Variants in RAD54L2 observed in about 807,000 individuals in gnomAD.
RAD54L2 encodes RAD54 like 2.
In RAD54L2, 27 loss-of-function variants were observed where a neutral mutation model predicts 138.4. The ratio of observed to expected loss-of-function variants is 0.20; its 90% confidence interval spans 0.14 to 0.27. The LOEUF (loss-of-function observed/expected upper bound fraction) is 0.27. Ranked by LOEUF, RAD54L2 falls within the 10% of genes least tolerant of loss-of-function variation. The pLI, the probability that RAD54L2 is intolerant of heterozygous loss-of-function variation, is 1.00. For missense variants in RAD54L2, 1,396 were observed against 1,890.2 expected (o/e 0.74, Z 4.85); for synonymous variants, 644 against 723.2 (o/e 0.89, Z 1.76).
Position 51,630,345 on chromosome 3 carries a change from G to A in RAD54L2, c.555G>A (p.Leu185=). The part of the protein sequence containing the change: ...PRVLAQEVIC[L]DSSSGSEDEK... ...TCTTGGCCCAGGAAGTCATTTGTTT[G>A]GACAGTAGCAGTGGCAGTGAGGATG... is the stretch of plus-strand genomic sequence containing the variant. Residue 185 remains leucine, a synonymous_variant, in exon 6 of 23, where the codon TTG becomes TTA. Coordinates refer to ENST00000684192, the MANE Select transcript of RAD54L2 (RefSeq NM_015106.4). 1 of 1,613,974 alleles carries A rather than the reference G, an allele frequency of 6.2e-7. No individual in the cohort carries two copies. Among genetic ancestry groups the A allele is most frequent in the Non-Finnish European group, 8.5e-7 (1 of 1,179,866 alleles).
At chr3:51,577,020 G>T in intron 2 of RAD54L2, among the ~76,000 whole-genome samples, 1 of 152,146 alleles carries the variant, frequency 6.6e-6, no homozygotes, top group Non-Finnish European at 1.5e-5. Context: ...CTTTAAATGT[G>T]TCCCAGAGAT....
intron 19 of RAD54L2, among the ~76,000 whole-genome samples, chr3:51,647,129 G>A (rs1403066352): frequency 1.3e-5 from 2 of 152,056 alleles, no homozygotes; most frequent in Non-Finnish European, 2.9e-5. Context: ...ACCTGATTCA[G>A]TAGTTTGCAT....
intron 3 of RAD54L2, among the ~76,000 whole-genome samples, chr3:51,592,413 G>C (rs1699858756): frequency 6.6e-6 from 1 of 151,928 alleles, no homozygotes; most frequent in South Asian, 2.1e-4. Context: ...TTGAAGTTCA[G>C]AGTGATAAAC....
At position 51,647,698 on chromosome 3, in the gene RAD54L2, A is replaced by C. The variant is rs868081449; in HGVS notation, c.3026+1217A>C. Among the ~76,000 whole-genome samples, 18 of 152,216 alleles carry C rather than the reference A, an allele frequency of 1.2e-4. 1 individual carries two copies. Among genetic ancestry groups the C allele is most frequent in the Middle Eastern group, 3.4e-3 (1 of 294 alleles). On this transcript the variant is annotated intron_variant, in intron 19 of 22. Coordinates refer to ENST00000684192, the MANE Select transcript of RAD54L2 (RefSeq NM_015106.4). Reference sequence around the variant, plus strand: ...AAAAAATTTTTTTTTCTTTTAGTCGAGATGAGGTCTCACTATGTTGCTCAG... The same window carrying C: ...AAAAAATTTTTTTTTCTTTTAGTCGCGATGAGGTCTCACTATGTTGCTCAG...
Position 51,663,077 on chromosome 3 carries a change from G to C in RAD54L2, c.4061G>C (p.Ser1354Thr). 6.2e-7 allele frequency: 1 copy of C among 1,613,916 alleles called. No individual in the cohort carries two copies. The highest frequency in any genetic ancestry group is 8.5e-7 in the Non-Finnish European group (1 of 1,179,870). ...CCTCTGGTGCCAGCAGGCCCCGTCA[G>C]TTCCTCTTCCACGGCTACCTCAGTC... Reference protein sequence around the residue: ...TDPLVPAGPVSSSSTATSVTA... With the variant: ...TDPLVPAGPVTSSSTATSVTA... Residue 1354 changes from serine (S) to threonine (T), a missense_variant, in exon 23 of 23, where the codon AGT (serine) becomes ACT (threonine). Ser to Thr is a moderately conservative substitution (Grantham distance 58). Around this residue, in one of 7 missense-constraint regions of RAD54L2, gnomAD observed 634 missense variants for 711.2 expected, o/e 0.89. Coordinates refer to ENST00000684192, the MANE Select transcript of RAD54L2 (RefSeq NM_015106.4).
intron 2 of RAD54L2, among the ~76,000 whole-genome samples, chr3:51,542,335 G>A (rs1698574660): frequency 6.6e-6 from 1 of 152,160 alleles, no homozygotes; most frequent in Admixed American, 6.5e-5. Flanking sequence ...TTAATAGTAG[G>A]AATGTGGCTG....
At position 51,660,093 on chromosome 3, in the gene RAD54L2, T is replaced by G; in HGVS notation, c.3384T>G (p.Pro1128=). ...AVRATGKPKV[P]EDGRMAASGS... ...GGGCAACTGGCAAACCAAAGGTTCC[T>G]GAAGATGGTCGGATGGCTGCCTCAG... is the stretch of plus-strand genomic sequence containing the variant. The change falls in exon 22 of 23, where the codon CCT becomes CCG. Residue 1128 remains proline, a synonymous_variant. Transcript: ENST00000684192. The G allele has an allele frequency of 1.2e-6, 2 of 1,601,396 alleles. No homozygotes were observed. The highest frequency in any genetic ancestry group is 1.1e-5 in the South Asian group (1 of 90,486).
chr3:51,645,751 C>G lies in RAD54L2; in HGVS notation c.2817C>G (p.His939Gln), dbSNP rs768938983. Residue 939 changes from histidine (H) to glutamine (Q), a missense_variant, in exon 18 of 23, where the codon CAC becomes CAG. His to Gln is a conservative substitution (Grantham distance 24). Coordinates refer to ENST00000684192, the MANE Select transcript of RAD54L2 (RefSeq NM_015106.4). This position sits in a 1 kb window ranked among gnomAD's most constrained non-coding sequence, Gnocchi z 6.1. ...VLQLACLKYP[H>Q]LITKEPFEHE... ...AACTGGCCTGTCTGAAGTACCCTCA[C>G]CTCATCACCAAGGTAAGAACTTGGT... 6.2e-7 allele frequency: 1 copy of G among 1,610,422 alleles called. No individual in the cohort carries two copies. The highest frequency in any genetic ancestry group is 8.5e-7 in the Non-Finnish European group (1 of 1,178,650).
chr3:51,569,989 T>C (rs907373907), intron 2 of RAD54L2, among the ~76,000 whole-genome samples: 7 of 151,898 alleles, frequency 4.6e-5, no homozygotes, highest in Non-Finnish European at 8.8e-5. Flanking sequence ...TGCACCACTA[T>C]GCCCAGCTGA....
rs931886783 is a variant in RAD54L2, at chr3:51,666,323, A to G, written c.*2903A>G. 6.6e-6 allele frequency: 1 copy of G among 151,920 alleles called. No individual in the cohort carries two copies. The highest frequency in any genetic ancestry group is 1.5e-5 in the Non-Finnish European group (1 of 68,012). The allele number at this position is 151,920 out of a possible 1,614,324, so 9.4% of individuals were successfully genotyped here. ...CATGTTTGTGAGGGAAGCAGGAAGT[A>G]TCTCAGAGCCTAAGAACCATGTTTT... is the stretch of plus-strand genomic sequence containing the variant. On this transcript the variant is annotated 3_prime_UTR_variant, in exon 23 of 23. Coordinates refer to ENST00000684192, the MANE Select transcript of RAD54L2 (RefSeq NM_015106.4).
chr3:51,629,019 A>G (rs1700765386), intron 4 of RAD54L2, among the ~76,000 whole-genome samples: 1 of 152,202 alleles, frequency 6.6e-6, no homozygotes, highest in Non-Finnish European at 1.5e-5. Flanking sequence ...CCTGGCCAAC[A>G]ACACTATTTT....
chr3:51,610,379 G>T (rs1319182431), intron 3 of RAD54L2, among the ~76,000 whole-genome samples: 1 of 151,958 alleles, frequency 6.6e-6, no homozygotes, highest in Non-Finnish European at 1.5e-5. Context: ...CGAGATGGGC[G>T]GATCACTTGA....
At chr3:51,608,346 C>G (rs909545707) in intron 3 of RAD54L2, among the ~76,000 whole-genome samples, 1 of 145,420 alleles carries the variant, frequency 6.9e-6, no homozygotes, top group Non-Finnish European at 1.5e-5. Context: ...TCACAGACTG[C>G]GCCGCTGGGC....
chr3:51,618,802 T>C (rs574646638), intron 3 of RAD54L2, among the ~76,000 whole-genome samples: 1 of 152,290 alleles, frequency 6.6e-6, no homozygotes, highest in Admixed American at 6.5e-5. Flanking sequence ...CAGACTTTTT[T>C]CCATAGATAA....
chr3:51,656,350 C>T (rs780144426), intron 20 of RAD54L2, among the ~76,000 whole-genome samples, 180 bp downstream of exon 20: 41 of 152,202 alleles, frequency 2.7e-4, no homozygotes, highest in Non-Finnish European at 5.4e-4. Flanking sequence ...AGTGAAATAT[C>T]TTAAGAATAA....
At chr3:51,644,403 C>G (rs1298757939) in intron 16 of RAD54L2, among the ~76,000 whole-genome samples, 1 of 152,132 alleles carries the variant, frequency 6.6e-6, no homozygotes, top group Non-Finnish European at 1.5e-5. Flanking sequence ...TGTGATTGAG[C>G]CACTGCAATC....
chr3:51,546,543 G>A (rs1698699690), intron 2 of RAD54L2, among the ~76,000 whole-genome samples: 1 of 152,202 alleles, frequency 6.6e-6, no homozygotes, highest in South Asian at 2.1e-4. Context: ...AGGAGGCTGA[G>A]GCAGGAGAAC....
chr3:51,657,761 G>C (rs895465474), intron 21 of RAD54L2, 92 bp downstream of exon 21: 1 of 885,352 alleles, frequency 1.1e-6, no homozygotes, highest in Admixed American at 2.1e-5. Context: ...AGCTAGACGG[G>C]TCATAGGAAT....
At chr3:51,619,023 G>T (rs944666913) in intron 3 of RAD54L2, among the ~76,000 whole-genome samples, 1 of 152,142 alleles carries the variant, frequency 6.6e-6, no homozygotes, top group African/African-American at 2.4e-5. Flanking sequence ...CCTCTTGTCT[G>T]TTGGAAAAGG....
Sources: gnomAD v4.1 joint callset for allele counts (sites outside exome capture counted in the v4.1 genomes callset) on GRCh38, gnomAD v4.1.1 for gene constraint, gnomAD v4.1.1 regional missense constraint, Gnocchi (gnomAD v3.1) non-coding constraint, MANE v1.5 for transcripts, NCBI Gene and HGNC (gene_info 2026-07-23, HGNC 2026-07-21) for gene names.